Variants in PRTG observed in about 807,000 individuals in gnomAD.
PRTG encodes the protein protogenin.
Under a neutral mutation model 122.5 loss-of-function variants are expected in PRTG, and 67 were observed. That is an observed-to-expected ratio of 0.55 (90% CI 0.45 to 0.67). The LOEUF is 0.67. Ranked by LOEUF, PRTG falls within the 30% of genes least tolerant of loss-of-function variation. The pLI, the probability that PRTG is intolerant of heterozygous loss-of-function variation, is 0.00. For missense variants in PRTG, 1,435 were observed against 1,415.4 expected (o/e 1.01, Z -0.22); for synonymous variants, 554 against 501.1 (o/e 1.11, Z -1.41).
chr15:55,734,190 C>A (rs777666598), intron 2 of PRTG, among the ~76,000 whole-genome samples: 1 of 152,162 alleles, frequency 6.6e-6, no homozygotes, highest in East Asian at 1.9e-4. Context: ...GCTGAGATAC[C>A]TAACTACCAC....
intron 11 of PRTG, among the ~76,000 whole-genome samples, chr15:55,665,609 A>T (rs1462688159): frequency 6.6e-6 from 1 of 150,470 alleles, no homozygotes; most frequent in Non-Finnish European, 1.5e-5. Context: ...GCAGTGGCAG[A>T]ATCTTGGTTC....
chr15:55,660,084 C>T (rs539088835), intron 11 of PRTG, among the ~76,000 whole-genome samples: 4 of 151,952 alleles, frequency 2.6e-5, no homozygotes, highest in African/African-American at 7.2e-5. Flanking sequence ...TATGTGTGAC[C>T]GCCTTAATAT....
intron 2 of PRTG, among the ~76,000 whole-genome samples, chr15:55,707,498 C>T (rs1027479020): frequency 2.0e-5 from 3 of 152,148 alleles, no homozygotes; most frequent in Non-Finnish European, 4.4e-5. Context: ...TTATTAAATG[C>T]GGAATGCATA....
chr15:55,652,038 G>A (rs914659023), intron 11 of PRTG, among the ~76,000 whole-genome samples: 4 of 152,098 alleles, frequency 2.6e-5, no homozygotes, highest in African/African-American at 9.7e-5. Flanking sequence ...ACATGCTGGG[G>A]TGGCCTAATA....
chr15:55,638,771 A>T (rs1214805671), intron 13 of PRTG, 95 bp from the exon 14 acceptor site: 2 of 1,009,782 alleles, frequency 2.0e-6, no homozygotes, highest in East Asian at 5.3e-5. Flanking sequence ...GCATAATGTT[A>T]TTTTTCATTA....
intron 2 of PRTG, among the ~76,000 whole-genome samples, chr15:55,718,100 C>A (rs2030667723): frequency 6.6e-6 from 1 of 152,068 alleles, no homozygotes; most frequent in Non-Finnish European, 1.5e-5. Context: ...CTTCTCCAAC[C>A]TCTCTCACTA....
chr15:55,654,561 T>C (rs1363880058), intron 11 of PRTG, among the ~76,000 whole-genome samples: 3 of 152,234 alleles, frequency 2.0e-5, no homozygotes, highest in African/African-American at 7.2e-5. Flanking sequence ...TGTTGACATT[T>C]CTATCAAAAA....
Position 55,616,349 on chromosome 15 carries a change from T to TA in PRTG, c.*3662dup, listed in dbSNP as rs776593464. 6.6e-6 allele frequency: 1 copy of TA among 152,152 alleles called. No homozygotes were observed. Among genetic ancestry groups the TA allele is most frequent in the Non-Finnish European group, 1.5e-5 (1 of 67,998 alleles). The allele number at this position is 152,152 out of a possible 1,614,324, so 9.4% of individuals were successfully genotyped here. On this transcript the variant is annotated 3_prime_UTR_variant, in exon 20 of 20. Coordinates refer to ENST00000389286, the MANE Select transcript of PRTG (RefSeq NM_173814.6). ...ATGATTTGTTTGCCTCTTACATCCT[T>TA]AGAGATGAAAAGCATCCCTATTATT...
At chr15:55,667,962 C>T (rs143868558) in intron 11 of PRTG, among the ~76,000 whole-genome samples, 1 of 152,242 alleles carries the variant, frequency 6.6e-6, no homozygotes, top group East Asian at 1.9e-4. Flanking sequence ...TGGCGCACGC[C>T]TGTGGTCCCA....
At chr15:55,680,709 A>G in intron 4 of PRTG, 81 bp from the exon 5 acceptor site, 1 of 933,334 alleles carries the variant, frequency 1.1e-6, no homozygotes, top group Non-Finnish European at 1.5e-6. Flanking sequence ...ATTTATTCTT[A>G]TCACTCACTT....
chr15:55,721,675 C>A (rs759218793), intron 2 of PRTG, among the ~76,000 whole-genome samples: 4 of 152,266 alleles, frequency 2.6e-5, no homozygotes, highest in Non-Finnish European at 5.9e-5. Context: ...ATACCCAAGA[C>A]TGGGTAATTT....
intron 11 of PRTG, among the ~76,000 whole-genome samples, chr15:55,654,081 T>C (rs944106353): frequency 4.6e-4 from 70 of 152,312 alleles, no homozygotes; most frequent in Admixed American, 1.7e-3. Flanking sequence ...GAAAGTGAGA[T>C]TGGAAGGTCC....
rs2031673032 is a variant in PRTG, at chr15:55,743,072, C to A, written c.-141G>T. On this transcript the variant is annotated 5_prime_UTR_variant, in exon 1 of 20. Coordinates refer to ENST00000389286, the MANE Select transcript of PRTG (RefSeq NM_173814.6). ...CCGGCTCCGGCACCGGCGTGGCGAG[C>A]GTCTCTGCGGCGGCGAGGCTGGTGC... 7.7e-7 allele frequency: 1 copy of A among 1,299,532 alleles called. No homozygotes were observed. 80.5% of individuals were successfully genotyped at this position (1,299,532 alleles called of 1,614,324 possible).
chr15:55,733,688 A>G (rs1409635980), intron 2 of PRTG, among the ~76,000 whole-genome samples: 1 of 152,070 alleles, frequency 6.6e-6, no homozygotes, highest in Non-Finnish European at 1.5e-5. Context: ...TTAGCTGTGC[A>G]TGGCGGCACG....
chr15:55,716,884 T>C (rs1218484107), intron 2 of PRTG, among the ~76,000 whole-genome samples: 2 of 152,182 alleles, frequency 1.3e-5, no homozygotes, highest in Non-Finnish European at 2.9e-5. Context: ...TTCACCAAGC[T>C]TGATAATGCC....
rs919307011 is a variant in PRTG at position 55,641,048 on chromosome 15, A to AAGG, written c.2137+62_2137+64dup. The stretch of plus-strand genomic sequence containing the variant: ...CAAGTAGTAGTGAGACTGTAACTTA[A>AAGG]AGGAGGAGGAGGAGAAAGAACGGTG... On this transcript the variant is annotated intron_variant, in intron 12 of 19. Coordinates refer to ENST00000389286, the MANE Select transcript of PRTG (RefSeq NM_173814.6). The AAGG allele has an allele frequency of 4.6e-6, 5 of 1,084,708 alleles. No individual in the cohort carries two copies. In the African/African-American group the frequency reaches 6.2e-5, roughly 13 times the overall value. 67.2% of individuals were successfully genotyped at this position (1,084,708 alleles called of 1,614,324 possible). A position where few individuals can be genotyped will look rare whatever the true frequency, so the allele number is the denominator to read the frequency against.
chr15:55,641,078 C>T, intron 12 of PRTG, 35 bp downstream of exon 12: 1 of 1,407,448 alleles, frequency 7.1e-7, no homozygotes, highest in Non-Finnish European at 1.0e-6. Context: ...ACGGTGTGAG[C>T]CATAGTAAAA....
chr15:55,723,343 A>G (rs2030899642), intron 2 of PRTG, among the ~76,000 whole-genome samples: 1 of 151,992 alleles, frequency 6.6e-6, no homozygotes, highest in South Asian at 2.1e-4. Context: ...GTTTTAAAAC[A>G]TGAAACAAAA....
At chr15:55,659,367 T>C (rs1408315350) in intron 11 of PRTG, among the ~76,000 whole-genome samples, 4 of 152,194 alleles carry the variant, frequency 2.6e-5, no homozygotes, top group Non-Finnish European at 5.9e-5. Flanking sequence ...CGCTTTAGTT[T>C]ACACCATCCC....
Sources: allele counts gnomAD v4.1 joint callset (sites outside exome capture counted in the v4.1 genomes callset), GRCh38; gene constraint gnomAD v4.1.1; transcripts MANE v1.5; gene names NCBI Gene and HGNC (gene_info 2026-07-23, HGNC 2026-07-21).